The following FRAS1 variants were observed in gnomAD, a reference collection of about 807,000 sequenced individuals.
The protein encoded by FRAS1 is Fraser extracellular matrix complex subunit 1.
FRAS1 carries 290 observed loss-of-function variants against 435.2 expected under a neutral mutation model. The ratio of observed to expected loss-of-function variants is 0.67; its 90% confidence interval spans 0.61 to 0.73. The LOEUF is 0.73. FRAS1 is among the 30% of genes least tolerant of loss of function. FRAS1 has a pLI of 0.00. For synonymous variants in FRAS1, 1,800 were observed against 1,851.0 expected (o/e 0.97, Z 0.71); for missense variants, 4,860 against 5,001.5 (o/e 0.97, Z 0.85).
At position 78,387,369 on chromosome 4, in the gene FRAS1, C is replaced by T. The variant is rs761698222; in HGVS notation, c.3649-6C>T. 10 of 1,592,858 alleles carry T rather than the reference C, an allele frequency of 6.3e-6. No individual in the cohort carries two copies. Among genetic ancestry groups the T allele is most frequent in the East Asian group, 2.2e-5 (1 of 44,708 alleles). On this transcript the variant is annotated splice_region_variant and splice_polypyrimidine_tract_variant and intron_variant, in intron 28 of 73. Transcript: ENST00000512123. ...TAACTGACTCTTCTTCCCTTCAACT[C>T]CACAGGCCCCCTATGTGCTGAGAAA...
chr4:78,517,153 CA>C (rs1322673922), intron 66 of FRAS1, among the ~76,000 whole-genome samples: 1 of 152,194 alleles, frequency 6.6e-6, no homozygotes, highest in African/African-American at 2.4e-5. Flanking sequence ...GAGGGATTTA[CA>C]GTAATTATTT....
At chr4:78,455,423 G>C (rs542979999) in intron 47 of FRAS1, among the ~76,000 whole-genome samples, 130 of 151,946 alleles carry the variant, frequency 8.6e-4, no homozygotes, top group African/African-American at 3.0e-3. Context: ...GTTGAGGAGG[G>C]AGGGGGTTCT....
intron 6 of FRAS1, among the ~76,000 whole-genome samples, chr4:78,257,714 A>C (rs564645573): frequency 6.6e-6 from 1 of 152,328 alleles, no homozygotes; most frequent in African/African-American, 2.4e-5. Context: ...TCTTTTGGTA[A>C]GAAAATGTAG....
Position 78,363,608 on chromosome 4 carries a change from G to T in FRAS1, c.2518G>T (p.Asp840Tyr). Residue 840 changes from aspartate to tyrosine, a missense_variant, in exon 21 of 74, where the codon GAC (aspartate) becomes TAC (tyrosine). Coordinates refer to ENST00000512123, the MANE Select transcript of FRAS1 (RefSeq NM_025074.7). Reference protein sequence around the residue: ...CQNAHYLLLGDHCVPDCPSGY... With the variant: ...CQNAHYLLLGYHCVPDCPSGY... ...GAATGCCCACTACCTGCTGCTCGGG[G>T]ACCACTGTGTTCCTGACTGCCCTTC... The T allele has an allele frequency of 6.2e-7, 1 of 1,607,794 alleles. No homozygotes were observed. Among genetic ancestry groups the T allele is most frequent in the Non-Finnish European group, 8.5e-7 (1 of 1,177,174 alleles).
intron 59 of FRAS1, among the ~76,000 whole-genome samples, chr4:78,491,998 A>G (rs1250573487): frequency 6.6e-6 from 1 of 152,210 alleles, no homozygotes; most frequent in Non-Finnish European, 1.5e-5. Context: ...AAGCATTCCT[A>G]TACAACTATA....
rs1726793958 is a variant in FRAS1, at chr4:78,273,030, T to TGCGC, written c.981+5598_981+5599insGCGC. ...GTTCTCCTTGAAGAGGTCCTTCATA[T>TGCGC]CCCTTGTAAGTTGGATTCCTAGGTA... On this transcript the variant is annotated intron_variant, in intron 9 of 73. Transcript: ENST00000512123. Among the ~76,000 whole-genome samples the TGCGC allele has an allele frequency of 7.2e-5, 11 of 152,334 alleles. No individual in the cohort carries two copies. The South Asian group carries it at 2.3e-3, about 32-fold the overall frequency.
At chr4:78,371,699 C>T (rs7696338) in intron 23 of FRAS1, among the ~76,000 whole-genome samples, 5,199 of 152,272 alleles carry the variant, frequency 0.034, 312 homozygotes, top group African/African-American at 0.12. Context: ...AACCCATGCA[C>T]TTAACTGTGC....
Position 78,099,045 on chromosome 4 carries a change from T to C in FRAS1, c.108+33029T>C, listed in dbSNP as rs144204761. ...GTACTTTTTACAACTTCCTCTCTGT[T>C]TCCAATTCTGCATTAACAGATTCTT... On this transcript the variant is annotated intron_variant, in intron 2 of 73. Transcript: ENST00000512123. 4.7e-4 allele frequency among the ~76,000 whole-genome samples: 71 copies of C among 152,322 alleles called. No homozygotes were observed. The East Asian group carries it at 0.014, about 29-fold the overall frequency.
chr4:78,191,515 G>A (rs575621850), intron 2 of FRAS1, among the ~76,000 whole-genome samples: 2 of 145,430 alleles, frequency 1.4e-5, no homozygotes, highest in Non-Finnish European at 3.0e-5. Flanking sequence ...AAATCCTCGG[G>A]ATTTGTTTGT....
rs34840208 is a variant in FRAS1 at position 78,466,432 on chromosome 4, A to G, written c.7254A>G (p.Lys2418=). The change falls in exon 50 of 74, where the codon AAA becomes AAG. Residue 2418 remains lysine (K), a synonymous_variant. Transcript: ENST00000512123. ...TCTTTATCATTGAGGAAGGGGGAAAAGAGGTGAGGGGTGAGGACACTGGAG... is the reference window on the plus strand; with the variant it reads ...TCTTTATCATTGAGGAAGGGGGAAAGGAGGTGAGGGGTGAGGACACTGGAG... ...NPFFIIEEGG[K]EIMTAAPQPF... 0.27 allele frequency: 442,234 copies of G among 1,609,662 alleles called. 65,901 individuals carry two copies. Among genetic ancestry groups the G allele is most frequent in the South Asian group, 0.51 (45,893 of 90,604 alleles).
intron 21 of FRAS1, 96 bp downstream of exon 21, chr4:78,363,761 G>A: frequency 2.1e-6 from 3 of 1,444,660 alleles, no homozygotes; most frequent in Admixed American, 2.1e-5. Flanking sequence ...AGAGAGTGGA[G>A]GCAGGAAGTG....
At chr4:78,324,756 A>G (rs1335373722) in intron 18 of FRAS1, among the ~76,000 whole-genome samples, 1 of 125,358 alleles carries the variant, frequency 8.0e-6, no homozygotes, top group Non-Finnish European at 1.6e-5. Flanking sequence ...AGAGCTTTAC[A>G]ATTTAATTCC....
At chr4:78,374,833 C>T (rs1208734937) in intron 25 of FRAS1, among the ~76,000 whole-genome samples, 1 of 152,168 alleles carries the variant, frequency 6.6e-6, no homozygotes, top group Non-Finnish European at 1.5e-5. Context: ...ATGCTATTAA[C>T]CCGGCATAGC....
chr4:78,445,436 C>T (rs532798866), intron 41 of FRAS1, 86 bp from the exon 42 acceptor site: 939 of 1,420,476 alleles, frequency 6.6e-4, no homozygotes, highest in Non-Finnish European at 8.1e-4. Flanking sequence ...TTTTTTTTGC[C>T]GAAAATGATA....
In FRAS1 at chr4:78,522,751, G is replaced by C; in HGVS notation, c.10751G>C (p.Ser3584Thr). 1.2e-6 allele frequency: 2 copies of C among 1,612,470 alleles called. No individual in the cohort carries two copies. The highest frequency in any genetic ancestry group is 1.7e-6 in the Non-Finnish European group (2 of 1,179,206). Residue 3584 changes from serine to threonine, a missense_variant, in exon 69 of 74, where the codon AGC becomes ACC. Physicochemically the swap from Ser to Thr is moderately conservative, Grantham distance 58 (BLOSUM62 1). Coordinates refer to ENST00000512123, the MANE Select transcript of FRAS1 (RefSeq NM_025074.7). The stretch of plus-strand genomic sequence containing the variant: ...GAATTTGACTTGCAGCTATTATGGA[G>C]CGCTCAGACTTTTGATTCTCCACAT... The part of the protein sequence containing the change: ...GIEFDLQLLW[S>T]AQTFDSPHQL...
chr4:78,270,253 T>C (rs1264379872), intron 9 of FRAS1, among the ~76,000 whole-genome samples: 1 of 152,216 alleles, frequency 6.6e-6, no homozygotes, highest in Non-Finnish European at 1.5e-5. Flanking sequence ...CAGCGCTTGC[T>C]GTTACTTACA....
intron 18 of FRAS1, among the ~76,000 whole-genome samples, chr4:78,330,740 C>T (rs978965986): frequency 3.9e-5 from 6 of 152,184 alleles, no homozygotes; most frequent in Admixed American, 3.9e-4. Context: ...GATTGCAAAA[C>T]CCTGTCTCCT....
intron 2 of FRAS1, among the ~76,000 whole-genome samples, chr4:78,139,707 TA>T (rs1203965854): frequency 1.3e-5 from 2 of 152,108 alleles, no homozygotes; most frequent in East Asian, 3.8e-4. Context: ...CTTTAAGATT[TA>T]AAAAAAGACT....
intron 17 of FRAS1, among the ~76,000 whole-genome samples, chr4:78,318,209 G>T (rs1729356171): frequency 6.6e-6 from 1 of 152,138 alleles, no homozygotes; most frequent in Non-Finnish European, 1.5e-5. Context: ...TTAAAGAACG[G>T]GAGAGTTAAT....
Sources: gnomAD v4.1 joint callset for allele counts (sites outside exome capture counted in the v4.1 genomes callset) on GRCh38, gnomAD v4.1.1 for gene constraint, MANE v1.5 for transcripts, NCBI Gene and HGNC (gene_info 2026-07-23, HGNC 2026-07-21) for gene names.